The following NOTCH1 variants were observed in gnomAD, a reference collection of about 807,000 sequenced individuals.
NOTCH1 encodes notch receptor 1, also known as neurogenic locus notch homolog protein 1.
NOTCH1 carries 37 observed loss-of-function variants against 254.8 expected under a neutral mutation model. The ratio of observed to expected loss-of-function variants is 0.15; its 90% confidence interval spans 0.11 to 0.19. The LOEUF is 0.19. Ranked by LOEUF, NOTCH1 falls within the 10% of genes least tolerant of loss-of-function variation. NOTCH1 has a pLI of 1.00. For missense variants in NOTCH1, 2,972 were observed against 3,708.6 expected (o/e 0.80, Z 5.16); for synonymous variants, 1,731 against 1,618.1 (o/e 1.07, Z -1.68).
intron 9 of NOTCH1, among the ~76,000 whole-genome samples, chr9:136,516,596 C>T (rs528209380): frequency 9.9e-5 from 15 of 152,222 alleles, no homozygotes; most frequent in South Asian, 2.1e-4. Flanking sequence ...TTGTCGCTGG[C>T]GTGCCGTTGG....
intron 2 of NOTCH1, among the ~76,000 whole-genome samples, chr9:136,542,336 C>T (rs948730828): frequency 1.3e-5 from 2 of 152,100 alleles, no homozygotes; most frequent in Non-Finnish European, 2.9e-5. Flanking sequence ...AGGCAAAGTC[C>T]GAGCCGGGAG....
intron 31 of NOTCH1, 83 bp downstream of exon 31, chr9:136,500,468 AG>A: frequency 6.5e-7 from 1 of 1,538,606 alleles, no homozygotes. Context: ...TCAGGCTCCC[AG>A]GGCCACGTAA....
intron 2 of NOTCH1, among the ~76,000 whole-genome samples, chr9:136,542,491 G>C (rs953434627): frequency 6.6e-6 from 1 of 150,618 alleles, no homozygotes; most frequent in African/African-American, 2.5e-5. Context: ...ACAAGATTTA[G>C]GGCATCAAGC....
intron 4 of NOTCH1, among the ~76,000 whole-genome samples, chr9:136,522,064 G>C (rs7036298): frequency 1.3e-5 from 2 of 149,108 alleles, no homozygotes; most frequent in Non-Finnish European, 1.5e-5. Flanking sequence ...TGCAACCTCC[G>C]CCTCCCGGGT....
At chr9:136,534,385 C>A (rs376266486) in intron 2 of NOTCH1, among the ~76,000 whole-genome samples, 1 of 152,202 alleles carries the variant, frequency 6.6e-6, no homozygotes, top group Non-Finnish European at 1.5e-5. Context: ...TAGACAGGGT[C>A]GACATCTGAT....
rs947424604 is a variant in NOTCH1 at position 136,505,791 on chromosome 9, T to C, written c.4105A>G (p.Ser1369Gly). The change falls in exon 25 of 34, where the codon AGC becomes GGC. Residue 1369 changes from serine to glycine, a missense_variant. Coordinates refer to ENST00000651671, the MANE Select transcript of NOTCH1 (RefSeq NM_017617.5). ...GGGCCCAGGCACAGGCAGGTGGGGC[T>C]GCGCGGGCCGGAGATGCATGTGCCG... ...NGGTCISGPR[S>G]PTCLCLGPFT... The C allele has an allele frequency of 3.2e-6, 5 of 1,582,960 alleles. No individual in the cohort carries two copies. The highest frequency in any genetic ancestry group is 4.3e-6 in the Non-Finnish European group (5 of 1,165,782).
At chr9:136,500,438 G>T in intron 31 of NOTCH1, 114 bp downstream of exon 31, 1 of 1,333,376 alleles carries the variant, frequency 7.5e-7, no homozygotes, top group Non-Finnish European at 1.1e-6. Context: ...CAGTTGTCCC[G>T]GACTCAGCTG....
chr9:136,527,893 T>C (rs1843493279), intron 2 of NOTCH1, among the ~76,000 whole-genome samples: 1 of 152,066 alleles, frequency 6.6e-6, no homozygotes, highest in Admixed American at 6.5e-5. Context: ...CCGCCACCTC[T>C]ACCGCCACCA....
rs367600561 is a variant in NOTCH1 at position 136,506,704 on chromosome 9, C to A, written c.3901+12G>T. The A allele has an allele frequency of 2.5e-6, 4 of 1,596,448 alleles. No individual in the cohort carries two copies. The African/African-American group carries it at 5.4e-5, about 21-fold the overall frequency. On this transcript the variant is annotated intron_variant, in intron 23 of 33. Coordinates refer to ENST00000651671, the MANE Select transcript of NOTCH1 (RefSeq NM_017617.5). This position sits in a 1 kb window ranked among gnomAD's most constrained non-coding sequence, Gnocchi z 4.5. Reference sequence around the variant, plus strand: ...GCCCCACACGCCCCACCCGCCTGGGCGCGGCACCCACCGGTGTGACCAGCA... The same window carrying A: ...GCCCCACACGCCCCACCCGCCTGGGAGCGGCACCCACCGGTGTGACCAGCA...
Position 136,545,014 on chromosome 9 carries a change from C to T in NOTCH1, c.61+712G>A, listed in dbSNP as rs991188488. Among the ~76,000 whole-genome samples, 3 of 152,346 alleles carry T rather than the reference C, an allele frequency of 2.0e-5. No homozygotes were observed. The highest frequency in any genetic ancestry group is 7.2e-5 in the African/African-American group (3 of 41,580). On this transcript the variant is annotated intron_variant, in intron 1 of 33. Coordinates refer to ENST00000651671, the MANE Select transcript of NOTCH1 (RefSeq NM_017617.5). The surrounding 1 kb of genome is among the most constrained non-coding windows in gnomAD (Gnocchi z 6.8). ...TTAATCACTCGATTCCCCAGAGACC[C>T]CGCTCGCTGTGCGGCGGGGAGAAAT...
At chr9:136,544,546 G>A (rs1046860344) in intron 1 of NOTCH1, among the ~76,000 whole-genome samples, 2 of 152,182 alleles carry the variant, frequency 1.3e-5, no homozygotes, top group Non-Finnish European at 2.9e-5. Context: ...TCTGCAAGGG[G>A]GCAGAGCTGG....
At position 136,506,943 on chromosome 9, in the gene NOTCH1, C is replaced by T. The variant is rs2133344246; in HGVS notation, c.3674G>A (p.Cys1225Tyr). The T allele has an allele frequency of 6.2e-7, 1 of 1,610,254 alleles. No homozygotes were observed. Among genetic ancestry groups the T allele is most frequent in the South Asian group, 1.1e-5 (1 of 90,672 alleles). Residue 1225 changes from cysteine (C) to tyrosine (Y), a missense_variant, in exon 23 of 34, where the codon TGC (cysteine) becomes TAC (tyrosine). This residue lies in a region of NOTCH1 where 1,343 missense variants were observed against 1,557.0 expected (regional missense o/e 0.86). Transcript: ENST00000651671. This position sits in a 1 kb window ranked among gnomAD's most constrained non-coding sequence, Gnocchi z 4.5. Reference sequence around the variant, plus strand: ...GGACACGGGGTCAACGGGGGGATTGCAGTCGTCCACGTTGATCTCACAGTG... The same window carrying T: ...GGACACGGGGTCAACGGGGGGATTGTAGTCGTCCACGTTGATCTCACAGTG... ...GVHCEINVDD[C>Y]NPPVDPVSRS...
chr9:136,520,682 G>A (rs1432816063), intron 4 of NOTCH1, among the ~76,000 whole-genome samples: 5 of 151,862 alleles, frequency 3.3e-5, no homozygotes, highest in Non-Finnish European at 5.9e-5. Context: ...AGGCTGCAGT[G>A]AGCTGAGGGC....
chr9:136,543,373 A>G, intron 2 of NOTCH1: 1 of 237,422 alleles, frequency 4.2e-6, no homozygotes. Context: ...CCCACCCAGG[A>G]GGTGGCATCA....
rs755439134 is a variant in NOTCH1 at position 136,523,673 on chromosome 9, G to A, written c.403+44C>T. ...TCAAGTTGCCTGGGCAGCTGGCGGC[G>A]GGCCTGGGTCTGCCCACCCCTCAGG... On this transcript the variant is annotated intron_variant, in intron 3 of 33. Coordinates refer to ENST00000651671, the MANE Select transcript of NOTCH1 (RefSeq NM_017617.5). 2.7e-5 allele frequency: 43 copies of A among 1,566,336 alleles called. No individual in the cohort carries two copies. In the South Asian group the frequency reaches 4.3e-4, roughly 16 times the overall value.
At chr9:136,533,047 G>A (rs1843587358) in intron 2 of NOTCH1, among the ~76,000 whole-genome samples, 1 of 152,208 alleles carries the variant, frequency 6.6e-6, no homozygotes, top group Admixed American at 6.5e-5. Context: ...GGAGGCCCAG[G>A]ACAGGACCTC....
chr9:136,501,722 G>T lies in NOTCH1; in HGVS notation c.5638+26C>A, dbSNP rs749706033. The T allele has an allele frequency of 2.5e-6, 4 of 1,608,626 alleles. No individual in the cohort carries two copies. In the East Asian group the frequency reaches 8.9e-5, roughly 36 times the overall value. On this transcript the variant is annotated intron_variant, in intron 30 of 33. Coordinates refer to ENST00000651671, the MANE Select transcript of NOTCH1 (RefSeq NM_017617.5). ...GAGGCAGGTGGGCCACGGGGCTAGG[G>T]AAGCCCTGGCTGCTGGCACCCTTAC... is the stretch of plus-strand genomic sequence containing the variant.
At position 136,540,242 on chromosome 9, in the gene NOTCH1, G is replaced by A. The variant is rs914152012; in HGVS notation, c.140+3782C>T. On this transcript the variant is annotated intron_variant, in intron 2 of 33. Coordinates refer to ENST00000651671, the MANE Select transcript of NOTCH1 (RefSeq NM_017617.5). The surrounding 1 kb of genome is among the most constrained non-coding windows in gnomAD (Gnocchi z 4.4). ...TGGGAAGTGAACTCCACAGGAGCAG[G>A]GGCCATGTCTGCCCTGTCCCCACCG... Among the ~76,000 whole-genome samples the A allele has an allele frequency of 9.2e-5, 14 of 152,278 alleles. No individual in the cohort carries two copies. Among genetic ancestry groups the A allele is most frequent in the African/African-American group, 3.4e-4 (14 of 41,552 alleles).
At chr9:136,530,742 CTT>C (rs1328261346) in intron 2 of NOTCH1, among the ~76,000 whole-genome samples, 1 of 152,218 alleles carries the variant, frequency 6.6e-6, no homozygotes, top group Non-Finnish European at 1.5e-5. Flanking sequence ...GGACAAACCT[CTT>C]GAGTTGGAGA....
Sources: allele counts gnomAD v4.1 joint callset (sites outside exome capture counted in the v4.1 genomes callset), GRCh38; gene constraint gnomAD v4.1.1; regional missense constraint gnomAD v4.1.1; non-coding constraint Gnocchi (gnomAD v3.1); transcripts MANE v1.5; gene names NCBI Gene and HGNC (gene_info 2026-07-23, HGNC 2026-07-21).